Variants in PYM1 observed in about 807,000 individuals in gnomAD.
The protein encoded by PYM1 is PYM1 exon junction complex associated factor, also known as partner of Y14 and mago.
Under a neutral mutation model 20.7 loss-of-function variants are expected in PYM1, and 7 were observed. The ratio of observed to expected loss-of-function variants is 0.34; its 90% CI spans 0.19 to 0.64. The LOEUF (loss-of-function observed/expected upper bound fraction) is 0.64, where lower values mean the gene tolerates loss of function less well. Ranked by LOEUF, PYM1 falls within the 30% of genes least tolerant of loss-of-function variation. The pLI is 0.74. For synonymous variants in PYM1, 100 were observed against 99.2 expected (o/e 1.01, Z -0.05); for missense variants, 194 against 250.0 (o/e 0.78, Z 1.51).
rs545756175 is a variant in PYM1, at chr12:55,902,121, G to A, written c.366C>T (p.Ala122=). ...AGCCCTGTGGAGCACTGGGGAGTTG[G>A]GCTGTCTCTTCCAGGGACACCTTAT... ...TLDKVSLEET[A]QLPSAPQGSR... is the part of the protein sequence containing the mutation. The change falls in exon 3 of 3, where the codon GCC becomes GCT. Residue 122 remains alanine (A), a synonymous_variant. Coordinates refer to ENST00000408946, the MANE Select transcript of PYM1 (RefSeq NM_032345.3). 1 of 1,614,090 alleles carries A rather than the reference G, an allele frequency of 6.2e-7. No homozygotes were observed. The highest frequency in any genetic ancestry group is 2.2e-5 in the East Asian group (1 of 44,874).
intron 2 of PYM1, among the ~76,000 whole-genome samples, chr12:55,902,893 G>A (rs1882720832): frequency 6.6e-6 from 1 of 152,036 alleles, no homozygotes; most frequent in Non-Finnish European, 1.5e-5. Flanking sequence ...TCAGCCTCCT[G>A]AGTAGCTGGG....
At chr12:55,915,014 G>A (rs1024649568) in intron 1 of PYM1, among the ~76,000 whole-genome samples, 3 of 151,886 alleles carry the variant, frequency 2.0e-5, no homozygotes, top group African/African-American at 7.3e-5. Context: ...ACGAGATGGA[G>A]ACCATCCTGG....
intron 1 of PYM1, among the ~76,000 whole-genome samples, chr12:55,916,627 C>T (rs1303769920): frequency 6.6e-6 from 1 of 151,418 alleles, no homozygotes; most frequent in Non-Finnish European, 1.5e-5. Flanking sequence ...GAGAAAGCCC[C>T]GTCTCTACTA....
intron 1 of PYM1, among the ~76,000 whole-genome samples, chr12:55,905,158 C>T (rs1168621227): frequency 4.0e-5 from 6 of 150,274 alleles, no homozygotes; most frequent in African/African-American, 1.5e-4. Flanking sequence ...CCTGCCACCA[C>T]ACCTGGCTAA....
intron 1 of PYM1, among the ~76,000 whole-genome samples, chr12:55,926,612 C>T (rs1489097258): frequency 6.6e-6 from 1 of 151,990 alleles, no homozygotes; most frequent in African/African-American, 2.4e-5. Context: ...GGAAAAGGTA[C>T]TATGTAGAAA....
chr12:55,907,619 C>T (rs931854318), intron 1 of PYM1, among the ~76,000 whole-genome samples: 2 of 131,666 alleles, frequency 1.5e-5, no homozygotes, highest in African/African-American at 2.9e-5. Flanking sequence ...GGTGACAGAG[C>T]GAGACTTCGT....
chr12:55,923,057 T>G (rs985837563), intron 1 of PYM1, among the ~76,000 whole-genome samples: 6 of 152,052 alleles, frequency 3.9e-5, no homozygotes, highest in Middle Eastern at 3.4e-3. Context: ...GAAACCCATC[T>G]CTACTAAAAA....
At chr12:55,927,290 G>A in intron 1 of PYM1, 1 of 961,580 alleles carries the variant, frequency 1.0e-6, no homozygotes, top group Non-Finnish European at 1.6e-6. Flanking sequence ...ATAAAATAAA[G>A]CCGTGGGCTT....
chr12:55,902,820 G>A (rs1421396677), intron 2 of PYM1, among the ~76,000 whole-genome samples: 1 of 149,966 alleles, frequency 6.7e-6, no homozygotes, highest in Non-Finnish European at 1.5e-5. Flanking sequence ...GGGCTGAAGT[G>A]CACTGGCGCA....
At chr12:55,923,075 T>C (rs1007416968) in intron 1 of PYM1, among the ~76,000 whole-genome samples, 1 of 151,650 alleles carries the variant, frequency 6.6e-6, no homozygotes, top group African/African-American at 2.4e-5. Context: ...AAATACAAAA[T>C]TAGCCGGGCA....
At chr12:55,922,401 G>A (rs910815136) in intron 1 of PYM1, among the ~76,000 whole-genome samples, 28 of 145,108 alleles carry the variant, frequency 1.9e-4, no homozygotes, top group South Asian at 4.3e-4. Flanking sequence ...CTTGAGCTCA[G>A]GAGTTCAAGA....
chr12:55,923,305 C>T (rs1265121617), intron 1 of PYM1, among the ~76,000 whole-genome samples: 1 of 151,980 alleles, frequency 6.6e-6, no homozygotes, highest in Non-Finnish European at 1.5e-5. Context: ...GTGGTTCACA[C>T]CTGTAATTCT....
At position 55,905,933 on chromosome 12, in the gene PYM1, A is replaced by G. The variant is rs1327653524; in HGVS notation, c.38-2453T>C. 2.9e-4 allele frequency among the ~76,000 whole-genome samples: 34 copies of G among 117,444 alleles called. 6 individuals are homozygous for G. The East Asian group carries it at 7.4e-3, about 25-fold the overall frequency. 77.0% of individuals were successfully genotyped at this position (117,444 alleles called of 152,430 possible). On this transcript the variant is annotated intron_variant, in intron 1 of 2. Coordinates refer to ENST00000408946, the MANE Select transcript of PYM1 (RefSeq NM_032345.3). Reference sequence around the variant, plus strand: ...GATATATATATTATTATATATATCTAATAGATATATATATTATTATATATA... The same window carrying G: ...GATATATATATTATTATATATATCTGATAGATATATATATTATTATATATA...
chr12:55,905,522 C>G (rs1882780258), intron 1 of PYM1, among the ~76,000 whole-genome samples: 1 of 149,698 alleles, frequency 6.7e-6, no homozygotes, highest in Admixed American at 6.8e-5. Flanking sequence ...GCTAATATGA[C>G]AAAACCCTGT....
chr12:55,920,814 T>A (rs137982666), intron 1 of PYM1, among the ~76,000 whole-genome samples: 1 of 152,272 alleles, frequency 6.6e-6, no homozygotes, highest in African/African-American at 2.4e-5. Flanking sequence ...CTGCCAGTAT[T>A]TTAAAAGATG....
At chr12:55,915,263 A>C (rs908760330) in intron 1 of PYM1, among the ~76,000 whole-genome samples, 4 of 148,638 alleles carry the variant, frequency 2.7e-5, no homozygotes, top group African/African-American at 9.9e-5. Context: ...AACAGTATTA[A>C]ATACTGCAGA....
chr12:55,905,960 C>T lies in PYM1; in HGVS notation c.38-2480G>A, dbSNP rs1390526762. On this transcript the variant is annotated intron_variant, in intron 1 of 2. Coordinates refer to ENST00000408946, the MANE Select transcript of PYM1 (RefSeq NM_032345.3). ...TAGATATATATATTATTATATATAT[C>T]TAATAGATATATATATTATTATATA... Among the ~76,000 whole-genome samples, 13 of 111,414 alleles carry T rather than the reference C, an allele frequency of 1.2e-4. 1 individual carries two copies. Among genetic ancestry groups the T allele is most frequent in the African/African-American group, 2.4e-4 (6 of 24,696 alleles). The allele number at this position is 111,414 out of a possible 152,430, so 73.1% of individuals were successfully genotyped here.
intron 1 of PYM1, among the ~76,000 whole-genome samples, chr12:55,908,222 G>A (rs905350555): frequency 1.3e-5 from 2 of 150,940 alleles, no homozygotes; most frequent in Non-Finnish European, 2.9e-5. Context: ...CAACCTGGGC[G>A]ACAGAGAAAG....
In PYM1 at chr12:55,927,564, C is replaced by T. The variant is rs953610555; in HGVS notation, c.37+161G>A. The T allele has an allele frequency of 3.2e-6, 3 of 927,666 alleles. No individual in the cohort carries two copies. The African/African-American group carries it at 5.0e-5, about 15-fold the overall frequency. 57.5% of individuals were successfully genotyped at this position (927,666 alleles called of 1,614,324 possible). A position where few individuals can be genotyped will look rare whatever the true frequency, so the allele number is the denominator to read the frequency against. On this transcript the variant is annotated intron_variant, in intron 1 of 2. Transcript: ENST00000408946. ...GGAGCAGACAAACTCCAGGAACGCA[C>T]TGGGGCGCACAAGTGTTTCTAGGGA...
Sources: allele counts gnomAD v4.1 joint callset (sites outside exome capture counted in the v4.1 genomes callset), GRCh38; gene constraint gnomAD v4.1.1; transcripts MANE v1.5; gene names NCBI Gene and HGNC (gene_info 2026-07-23, HGNC 2026-07-21).